TPX2: variants seen among roughly 807,000 people sequenced by gnomAD.
TPX2 encodes targeting protein for Xklp2.
A neutral mutation model predicts 93.6 loss-of-function variants in TPX2; 21 were observed. That is an observed-to-expected ratio of 0.22 (90% CI 0.16 to 0.32). The LOEUF is 0.32. Among genes scored for constraint, TPX2 ranks in the 10% least tolerant of loss-of-function variants. The pLI, the probability that TPX2 is intolerant of heterozygous loss-of-function variation, is 1.00. For synonymous variants in TPX2, 281 were observed against 298.3 expected (o/e 0.94, Z 0.60); for missense variants, 776 against 871.1 (o/e 0.89, Z 1.37).
chr20:31,742,495 T>C (rs1242205494), intron 1 of TPX2, 46 bp from the exon 2 acceptor site: 1 of 152,236 alleles, frequency 6.6e-6, no homozygotes, highest in African/African-American at 2.4e-5. Context: ...CCTTTTTTAC[T>C]ACAGAGAACT....
At chr20:31,770,260 A>T (rs2061956999) in intron 5 of TPX2, 83 bp from the exon 6 acceptor site, 3 of 993,556 alleles carry the variant, frequency 3.0e-6, no homozygotes, top group Non-Finnish European at 4.0e-6. Flanking sequence ...TTGTAGTTTG[A>T]CATCCTTTCA....
chr20:31,798,171 T>C (rs2062149432), intron 16 of TPX2, among the ~76,000 whole-genome samples, 194 bp from the exon 17 acceptor site: 1 of 152,234 alleles, frequency 6.6e-6, no homozygotes, highest in South Asian at 2.1e-4. Context: ...CCAGACGATT[T>C]CCAGGGGCCC....
intron 2 of TPX2, among the ~76,000 whole-genome samples, chr20:31,749,509 C>G (rs535386011): frequency 5.9e-5 from 9 of 152,202 alleles, no homozygotes; most frequent in Non-Finnish European, 1.5e-5. Context: ...TAAGTAATAG[C>G]TGTTGGCCGG....
chr20:31,739,323 G>C lies in TPX2; in HGVS notation c.-476G>C, dbSNP rs2061740237. 6.6e-6 allele frequency: 1 copy of C among 152,258 alleles called. No homozygotes were observed. The allele number at this position is 152,258 out of a possible 1,614,324, so 9.4% of individuals were successfully genotyped here. A position where few individuals can be genotyped will look rare whatever the true frequency, so the allele number is the denominator to read the frequency against. On this transcript the variant is annotated 5_prime_UTR_variant, in exon 1 of 18. Coordinates refer to ENST00000300403, the MANE Select transcript of TPX2 (RefSeq NM_012112.5). ...CCCGCGGCGGGTTGGCTCGCGCTTC[G>C]TTGTCAGATCTGAGGCGAGGCTAGG...
intron 17 of TPX2, among the ~76,000 whole-genome samples, chr20:31,799,278 T>G (rs1305288710): frequency 6.6e-6 from 1 of 152,182 alleles, no homozygotes; most frequent in Non-Finnish European, 1.5e-5. Flanking sequence ...GAACTTCGTA[T>G]GATAAATAAA....
chr20:31,778,785 ATTTGGGGAACAAC>A lies in TPX2; in HGVS notation c.883-24_883-12del. ...GATGTGAGCTCTTCCGTGACATTTCATTTGGGGAACAACTTTTCTCTTTACAGGCCCGAGTGAC... is the reference window on the plus strand; with the variant it reads ...GATGTGAGCTCTTCCGTGACATTTCATTTTCTCTTTACAGGCCCGAGTGAC... On this transcript the variant is annotated splice_polypyrimidine_tract_variant and intron_variant, in intron 9 of 17. Coordinates refer to ENST00000300403, the MANE Select transcript of TPX2 (RefSeq NM_012112.5). 1 of 1,522,052 alleles carries A rather than the reference ATTTGGGGAACAAC, an allele frequency of 6.6e-7. No homozygotes were observed. The highest frequency in any genetic ancestry group is 8.8e-7 in the Non-Finnish European group (1 of 1,138,878). 94.3% of individuals were successfully genotyped at this position (1,522,052 alleles called of 1,614,324 possible).
intron 12 of TPX2, 114 bp downstream of exon 12, chr20:31,784,035 C>A: frequency 1.8e-6 from 2 of 1,137,508 alleles, no homozygotes; most frequent in Non-Finnish European, 2.5e-6. Context: ...TTAGGAACTG[C>A]AGGTGATAAA....
intron 7 of TPX2, among the ~76,000 whole-genome samples, chr20:31,773,688 T>C (rs747606897): frequency 2.6e-5 from 4 of 152,228 alleles, no homozygotes; most frequent in Non-Finnish European, 5.9e-5. Context: ...TAAATTCATA[T>C]AGATGGCATG....
At chr20:31,771,321 C>T (rs1169299097) in intron 6 of TPX2, among the ~76,000 whole-genome samples, 1 of 152,178 alleles carries the variant, frequency 6.6e-6, no homozygotes, top group Non-Finnish European at 1.5e-5. Flanking sequence ...CCTCCTTACT[C>T]TTCCAAACCA....
At chr20:31,800,511 C>T (rs903687197) in intron 17 of TPX2, among the ~76,000 whole-genome samples, 47 of 152,322 alleles carry the variant, frequency 3.1e-4, no homozygotes, top group Non-Finnish European at 4.4e-4. Flanking sequence ...TTTAGCCACC[C>T]TTCCTGGTAT....
chr20:31,788,310 C>T (rs1339536157), intron 12 of TPX2, among the ~76,000 whole-genome samples: 2 of 149,508 alleles, frequency 1.3e-5, no homozygotes, highest in South Asian at 2.1e-4. Flanking sequence ...CCTAGCTACT[C>T]AGGAGGCTGA....
intron 12 of TPX2, among the ~76,000 whole-genome samples, chr20:31,784,926 A>G (rs1326692306): frequency 6.6e-6 from 1 of 152,170 alleles, no homozygotes; most frequent in Non-Finnish European, 1.5e-5. Flanking sequence ...CAGGTCCGGG[A>G]TAACTCTAGA....
chr20:31,741,370 GGC>G (rs1414027227), intron 1 of TPX2, among the ~76,000 whole-genome samples: 1 of 150,286 alleles, frequency 6.7e-6, no homozygotes, highest in African/African-American at 2.5e-5. Context: ...GGAGTGCAGT[GGC>G]GCGATTTCAG....
At chr20:31,766,847 C>G (rs2061930861) in intron 5 of TPX2, among the ~76,000 whole-genome samples, 165 bp downstream of exon 5, 1 of 134,866 alleles carries the variant, frequency 7.4e-6, no homozygotes. Flanking sequence ...TTTGCCCAGG[C>G]TGGAGTGAAG....
chr20:31,798,107 C>T (rs1028516802), intron 16 of TPX2, among the ~76,000 whole-genome samples: 1 of 152,210 alleles, frequency 6.6e-6, no homozygotes, highest in Non-Finnish European at 1.5e-5. Context: ...CAAAATCAAT[C>T]ACTATATAGT....
chr20:31,791,852 C>T (rs1235463501), intron 12 of TPX2, among the ~76,000 whole-genome samples: 4 of 152,146 alleles, frequency 2.6e-5, no homozygotes, highest in Non-Finnish European at 5.9e-5. Flanking sequence ...TCTGGCCGTA[C>T]ACTTCATTCA....
chr20:31,760,382 ATTT>A (rs1188327411), intron 4 of TPX2, among the ~76,000 whole-genome samples: 1 of 145,428 alleles, frequency 6.9e-6, no homozygotes, highest in Admixed American at 6.9e-5. Context: ...CTAACATAGA[ATTT>A]TTTTTTTTTT....
intron 2 of TPX2, among the ~76,000 whole-genome samples, chr20:31,751,310 A>AGTC (rs1484600041): frequency 8.5e-5 from 13 of 152,114 alleles, no homozygotes; most frequent in African/African-American, 3.1e-4. Context: ...CCCCAGCTTT[A>AGTC]GTCGTCTTCA....
chr20:31,800,922 G>A (rs368577989), intron 17 of TPX2, 48 bp from the exon 18 acceptor site: 105 of 1,403,982 alleles, frequency 7.5e-5, no homozygotes, highest in Middle Eastern at 1.8e-4. Flanking sequence ...AATTATAAGC[G>A]TAGTTCTCTG....
Sources: gnomAD v4.1 joint callset for allele counts (sites outside exome capture counted in the v4.1 genomes callset) on GRCh38, gnomAD v4.1.1 for gene constraint, MANE v1.5 for transcripts, NCBI Gene and HGNC (gene_info 2026-07-23, HGNC 2026-07-21) for gene names.